FBXL5: variants seen among roughly 807,000 people sequenced by gnomAD.
FBXL5 encodes the protein F-box and leucine rich repeat protein 5.
FBXL5 carries 26 observed loss-of-function variants against 78.3 expected under a neutral mutation model. That is an observed-to-expected ratio of 0.33 (90% CI 0.24 to 0.46). The LOEUF (loss-of-function observed/expected upper bound fraction) is 0.46. Ranked by LOEUF, FBXL5 falls within the 20% of genes least tolerant of loss-of-function variation. The probability of loss-of-function intolerance (pLI) is 1.00; values close to 1 mark genes in which losing one functional copy is unlikely to be tolerated. For synonymous variants in FBXL5, 295 were observed against 282.5 expected, an observed-to-expected ratio of 1.04 and a Z score of -0.45; for missense variants, 710 against 829.2, an observed-to-expected ratio of 0.86 and a Z score of 1.77.
chr4:15,646,816 G>A (rs541654192), intron 1 of FBXL5, among the ~76,000 whole-genome samples: 24 of 151,244 alleles, frequency 1.6e-4, no homozygotes, highest in Non-Finnish European at 2.4e-4. Context: ...TTGTCCTTGC[G>A]ACAGTTTGCT....
intron 1 of FBXL5, among the ~76,000 whole-genome samples, chr4:15,649,819 T>G (rs1405944475): frequency 6.6e-6 from 1 of 152,110 alleles, no homozygotes; most frequent in East Asian, 1.9e-4. Flanking sequence ...AAAAAGTAGA[T>G]ATCAAAATCC....
rs1174281012 is a variant in FBXL5, at chr4:15,625,509, A to G, written c.1593T>C (p.Ser531=). 2 of 1,614,128 alleles carry G rather than the reference A, an allele frequency of 1.2e-6. No homozygotes were observed. The highest frequency in any genetic ancestry group is 1.7e-6 in the Non-Finnish European group (2 of 1,180,008). ...FSKDIVGLRT[S]VCWQQHCASP... is the part of the protein sequence containing the mutation. Reference sequence around the variant, plus strand: ...AAGCACAATGCTGCTGCCAACAGACACTAGTCCTTAGTCCAACAATGTCCT... The same window carrying G: ...AAGCACAATGCTGCTGCCAACAGACGCTAGTCCTTAGTCCAACAATGTCCT... The change falls in exon 9 of 11, where the codon AGT becomes AGC. Residue 531 remains serine, a synonymous_variant. Coordinates refer to ENST00000341285, the MANE Select transcript of FBXL5 (RefSeq NM_012161.4).
intron 1 of FBXL5, 64 bp downstream of exon 1, chr4:15,655,140 G>C: frequency 1.6e-6 from 2 of 1,262,042 alleles, no homozygotes; most frequent in Non-Finnish European, 2.1e-6. Context: ...GCCGCCCCAA[G>C]AACCCAGCCC....
intron 1 of FBXL5, among the ~76,000 whole-genome samples, chr4:15,669,204 G>C (rs994437675): frequency 1.3e-5 from 2 of 152,110 alleles, no homozygotes; most frequent in African/African-American, 4.8e-5. Flanking sequence ...CACAAACCCA[G>C]ATACAAACTA....
intron 8 of FBXL5, 151 bp from the exon 9 acceptor site, chr4:15,626,128 T>A (rs1425748274): frequency 3.9e-6 from 3 of 759,720 alleles, no homozygotes; most frequent in Non-Finnish European, 6.0e-6. Context: ...AAGGTACTAT[T>A]CTTGATGCTA....
Position 15,604,484 on chromosome 4 carries a change from T to G in FBXL5, c.*1239A>C, listed in dbSNP as rs894845064. ...TGGCCACAGATCACCACAACAGATT[T>G]AATAATAGTGAAAAACTATGAAATA... On this transcript the variant is annotated 3_prime_UTR_variant, in exon 11 of 11. Transcript: ENST00000341285. The G allele has an allele frequency of 6.6e-6, 1 of 152,130 alleles. No individual in the cohort carries two copies. Among genetic ancestry groups the G allele is most frequent in the East Asian group, 1.9e-4 (1 of 5,200 alleles). 9.4% of individuals were successfully genotyped at this position (152,130 alleles called of 1,614,324 possible). A position where few individuals can be genotyped will look rare whatever the true frequency, so the allele number is the denominator to read the frequency against.
At chr4:15,625,206 A>G (rs1712910460) in intron 9 of FBXL5, 46 bp downstream of exon 9, 1 of 1,516,862 alleles carries the variant, frequency 6.6e-7, no homozygotes, top group Non-Finnish European at 8.8e-7. Context: ...TCCATTTGGA[A>G]ATGAGAACAC....
chr4:15,628,733 T>A (rs1713316448), intron 6 of FBXL5, among the ~76,000 whole-genome samples: 1 of 150,962 alleles, frequency 6.6e-6, no homozygotes, highest in Admixed American at 6.6e-5. Flanking sequence ...TGGTTCCTTG[T>A]TTAGATATTA....
chr4:15,653,106 A>AT (rs138019288), intron 1 of FBXL5, among the ~76,000 whole-genome samples: 7 of 151,178 alleles, frequency 4.6e-5, no homozygotes, highest in African/African-American at 1.7e-4. Flanking sequence ...ATTCCTATGC[A>AT]TTTTTTTTTC....
Position 15,643,293 on chromosome 4 carries a change from C to G in FBXL5, c.300+1200G>C, listed in dbSNP as rs529507091. Among the ~76,000 whole-genome samples the G allele has an allele frequency of 2.0e-5, 3 of 152,312 alleles. No homozygotes were observed. In the East Asian group the frequency reaches 5.8e-4, roughly 29 times the overall value. ...AATCCATCCTCCCTAAGCTGTAGAA[C>G]AGCCTTTCCAGAACATAAATCTCCA... On this transcript the variant is annotated intron_variant, in intron 2 of 10. Coordinates refer to ENST00000341285, the MANE Select transcript of FBXL5 (RefSeq NM_012161.4).
intron 1 of FBXL5, 103 bp downstream of exon 1, chr4:15,655,101 C>G: frequency 1.1e-5 from 10 of 934,756 alleles, no homozygotes; most frequent in Non-Finnish European, 1.4e-5. Context: ...GCGGCGACGG[C>G]ACGGGGCTGC....
intron 1 of FBXL5, among the ~76,000 whole-genome samples, chr4:15,645,419 G>T (rs1715254041): frequency 6.6e-6 from 1 of 151,934 alleles, no homozygotes; most frequent in East Asian, 1.9e-4. Flanking sequence ...CCCTGGGTAA[G>T]TTACTTTTCT....
intron 10 of FBXL5, among the ~76,000 whole-genome samples, chr4:15,608,567 ACTCAGTGAGTAGAC>A (rs1437980817): frequency 1.3e-5 from 2 of 150,900 alleles, no homozygotes; most frequent in African/African-American, 4.9e-5. Context: ...AAATGTGTCT[ACTCAGTGAGTAGAC>A]ACATTTTATA....
chr4:15,618,064 T>C (rs1368092126), intron 9 of FBXL5, among the ~76,000 whole-genome samples: 1 of 152,130 alleles, frequency 6.6e-6, no homozygotes, highest in African/African-American at 2.4e-5. Context: ...GAGCAAAAAT[T>C]TTTTAAACGA....
chr4:15,644,928 T>C (rs1369115042), intron 1 of FBXL5, among the ~76,000 whole-genome samples: 1 of 152,140 alleles, frequency 6.6e-6, no homozygotes, highest in Non-Finnish European at 1.5e-5. Context: ...GAGGGCCTGG[T>C]GACACAGAAA....
chr4:15,649,737 A>G (rs535549920), intron 1 of FBXL5, among the ~76,000 whole-genome samples: 1 of 152,236 alleles, frequency 6.6e-6, no homozygotes, highest in East Asian at 1.9e-4. Flanking sequence ...GTTCTAGGAC[A>G]TACGGAAGGA....
chr4:15,626,873 C>A lies in FBXL5; in HGVS notation c.1124G>T (p.Ser375Ile). 1 of 1,601,168 alleles carries A rather than the reference C, an allele frequency of 6.2e-7. No individual in the cohort carries two copies. Among genetic ancestry groups the A allele is most frequent in the South Asian group, 1.1e-5 (1 of 88,838 alleles). The stretch of plus-strand genomic sequence containing the variant: ...ATTTAAATTGTTTAAAATAACTAAC[C>A]TGTCAAATGCAGAATCTGAAATGTC... ...QTDISDSAFDSWSWLGCCQSL... is the reference protein window; with the variant it reads ...QTDISDSAFDIWSWLGCCQSL... The change falls in exon 8 of 11, where the codon AGT becomes ATT. Residue 375 changes from serine (S) to isoleucine (I), a missense_variant and splice_region_variant. This residue lies in a region of FBXL5 where 517 missense variants were observed against 542.9 expected (regional missense o/e 0.95). Transcript: ENST00000341285.
At chr4:15,613,837 T>C (rs1182862563) in intron 9 of FBXL5, among the ~76,000 whole-genome samples, 2 of 40,436 alleles carry the variant, frequency 4.9e-5, no homozygotes, top group Admixed American at 3.9e-4. Context: ...CCATATCTTA[T>C]AACTTTTGTT....
upstream of FBXL5, chr4:15,656,359 A>G: frequency 2.2e-6 from 1 of 448,706 alleles, no homozygotes; most frequent in Non-Finnish European, 4.5e-6. Context: ...AGATAGAGAA[A>G]TAGGAGAAAA....
Sources: allele counts gnomAD v4.1 joint callset (sites outside exome capture counted in the v4.1 genomes callset), GRCh38; gene constraint gnomAD v4.1.1; regional missense constraint gnomAD v4.1.1; transcripts MANE v1.5; gene names NCBI Gene and HGNC (gene_info 2026-07-23, HGNC 2026-07-21).